The following GLCCI1 variants were observed in gnomAD, a reference collection of about 807,000 sequenced individuals.
GLCCI1 encodes glucocorticoid-induced transcript 1 protein.
GLCCI1 carries 24 observed loss-of-function variants against 52.2 expected under a neutral mutation model. That is an observed-to-expected ratio of 0.46 (90% CI 0.33 to 0.65). The LOEUF (loss-of-function observed/expected upper bound fraction) is 0.65. Ranked by LOEUF, GLCCI1 falls within the 30% of genes least tolerant of loss-of-function variation. GLCCI1 has a pLI of 0.02. For missense variants in GLCCI1, 704 were observed against 701.5 expected (o/e 1.00, Z -0.04); for synonymous variants, 310 against 276.5 (o/e 1.12, Z -1.20).
intron 3 of GLCCI1, among the ~76,000 whole-genome samples, chr7:8,044,305 G>A (rs925522963): frequency 7.3e-5 from 11 of 151,540 alleles, no homozygotes; most frequent in East Asian, 1.9e-4. Flanking sequence ...TTGAAATAAT[G>A]TATCATCATC....
rs552015248 is a variant in GLCCI1, at chr7:8,041,825, C to T, written c.697-13608C>T. 2.0e-5 allele frequency among the ~76,000 whole-genome samples: 3 copies of T among 152,236 alleles called. No individual in the cohort carries two copies. The South Asian group carries it at 6.2e-4, about 32-fold the overall frequency. Reference sequence around the variant, plus strand: ...CAGACTGGTCTCGAACTCCTGGGCTCAAGCAGTCCTCCCGCCTCAGCCTCC... The same window carrying T: ...CAGACTGGTCTCGAACTCCTGGGCTTAAGCAGTCCTCCCGCCTCAGCCTCC... On this transcript the variant is annotated intron_variant, in intron 3 of 7. Coordinates refer to ENST00000223145, the MANE Select transcript of GLCCI1 (RefSeq NM_138426.4).
intron 1 of GLCCI1, among the ~76,000 whole-genome samples, chr7:7,995,615 G>C (rs1386071523): frequency 6.6e-6 from 1 of 152,164 alleles, no homozygotes; most frequent in Admixed American, 6.5e-5. Context: ...CATGGATGAA[G>C]CTGGAAACCA....
chr7:7,972,077 C>G (rs1349160789), intron 1 of GLCCI1, among the ~76,000 whole-genome samples: 1 of 152,142 alleles, frequency 6.6e-6, no homozygotes, highest in Non-Finnish European at 1.5e-5. Flanking sequence ...GTTCTGTTTC[C>G]TTAGCCATTT....
chr7:8,029,895 TGAA>T (rs1239980928), intron 3 of GLCCI1, among the ~76,000 whole-genome samples: 3 of 152,056 alleles, frequency 2.0e-5, no homozygotes, highest in Non-Finnish European at 4.4e-5. Context: ...TGAAAGAAAT[TGAA>T]GAGGACACCA....
intron 1 of GLCCI1, among the ~76,000 whole-genome samples, chr7:7,993,217 A>G (rs969323487): frequency 2.0e-5 from 3 of 151,980 alleles, no homozygotes; most frequent in Admixed American, 6.6e-5. Flanking sequence ...AATAGGGTGG[A>G]TAGTTCATGA....
At chr7:8,062,168 C>T (rs1782532681) in intron 5 of GLCCI1, among the ~76,000 whole-genome samples, 1 of 152,060 alleles carries the variant, frequency 6.6e-6, no homozygotes, top group African/African-American at 2.4e-5. Context: ...TCAATTGTAG[C>T]CATATCAGAA....
chr7:8,014,387 T>C (rs753685820), intron 2 of GLCCI1, among the ~76,000 whole-genome samples: 4 of 152,260 alleles, frequency 2.6e-5, no homozygotes, highest in Non-Finnish European at 5.9e-5. Flanking sequence ...CATGTGTGTT[T>C]GTTATACGTA....
chr7:8,022,083 C>G (rs1781503813), intron 2 of GLCCI1, among the ~76,000 whole-genome samples: 2 of 152,144 alleles, frequency 1.3e-5, no homozygotes, highest in Admixed American at 1.3e-4. Context: ...GTAGGTCATT[C>G]TTAATACTAT....
chr7:8,013,633 G>A (rs542696052), intron 2 of GLCCI1, among the ~76,000 whole-genome samples: 3 of 152,188 alleles, frequency 2.0e-5, no homozygotes, highest in Non-Finnish European at 4.4e-5. Context: ...TCCAAGAAAG[G>A]GGTATATCTT....
intron 3 of GLCCI1, among the ~76,000 whole-genome samples, chr7:8,049,609 G>T (rs1347086393): frequency 6.6e-6 from 1 of 151,978 alleles, no homozygotes. Flanking sequence ...TTACCAGTAA[G>T]TTAATATACA....
chr7:7,989,007 G>A (rs1215910465), intron 1 of GLCCI1, among the ~76,000 whole-genome samples: 1 of 152,036 alleles, frequency 6.6e-6, no homozygotes. Flanking sequence ...TGGATGCAGA[G>A]AATCTAGTAA....
intron 1 of GLCCI1, among the ~76,000 whole-genome samples, chr7:8,001,650 A>G (rs898252775): frequency 2.0e-5 from 3 of 152,228 alleles, no homozygotes; most frequent in Non-Finnish European, 2.9e-5. Flanking sequence ...AGACACATGC[A>G]CACGTATGTT....
chr7:8,061,712 G>T (rs1383205228), intron 5 of GLCCI1, among the ~76,000 whole-genome samples: 3 of 125,944 alleles, frequency 2.4e-5, no homozygotes, highest in Non-Finnish European at 3.1e-5. Flanking sequence ...TGTTGCCTAG[G>T]CTGGAGTGCA....
chr7:8,019,178 T>C (rs916363768), intron 2 of GLCCI1, among the ~76,000 whole-genome samples: 3 of 152,230 alleles, frequency 2.0e-5, no homozygotes, highest in Non-Finnish European at 2.9e-5. Flanking sequence ...TGCCCTCCAA[T>C]TGAACTTTCT....
intron 3 of GLCCI1, among the ~76,000 whole-genome samples, chr7:8,044,980 G>A (rs548166140): frequency 6.6e-6 from 1 of 152,114 alleles, no homozygotes; most frequent in Non-Finnish European, 1.5e-5. Context: ...TAAAGGAAAT[G>A]ATGTATAATG....
At chr7:8,064,618 T>A (rs7798132) in intron 5 of GLCCI1, among the ~76,000 whole-genome samples, 4,435 of 152,266 alleles carry the variant, frequency 0.029, 202 homozygotes, top group African/African-American at 0.094. Context: ...TTAAAATAGA[T>A]TTTTCTGATT....
chr7:8,005,182 T>G (rs1345051721), intron 2 of GLCCI1, among the ~76,000 whole-genome samples: 4 of 152,148 alleles, frequency 2.6e-5, no homozygotes, highest in Non-Finnish European at 5.9e-5. Flanking sequence ...CACAGATAAT[T>G]AATTCAGAAC....
chr7:8,086,105 C>A lies in GLCCI1; in HGVS notation c.1299-88C>A. On this transcript the variant is annotated intron_variant, in intron 7 of 7. Transcript: ENST00000223145. This position sits in a 1 kb window ranked among gnomAD's most constrained non-coding sequence, Gnocchi z 4.4. ...CCATCTCCTGCCATTTACATTTTAG[C>A]TGTTTTAGAGAACTCCAGTTAATTC... 1 of 1,097,564 alleles carries A rather than the reference C, an allele frequency of 9.1e-7. No homozygotes were observed. The highest frequency in any genetic ancestry group is 1.3e-6 in the Non-Finnish European group (1 of 760,012). The allele number at this position is 1,097,564 out of a possible 1,614,324, so 68.0% of individuals were successfully genotyped here. A position where few individuals can be genotyped will look rare whatever the true frequency, so the allele number is the denominator to read the frequency against.
intron 6 of GLCCI1, among the ~76,000 whole-genome samples, chr7:8,074,366 C>G (rs1782829335): frequency 6.6e-6 from 1 of 152,064 alleles, no homozygotes; most frequent in Non-Finnish European, 1.5e-5. Flanking sequence ...TGACTCATTT[C>G]TTCTTTATGT....
Sources: gnomAD v4.1 joint callset for allele counts (sites outside exome capture counted in the v4.1 genomes callset) on GRCh38, gnomAD v4.1.1 for gene constraint, Gnocchi (gnomAD v3.1) non-coding constraint, MANE v1.5 for transcripts, NCBI Gene and HGNC (gene_info 2026-07-23, HGNC 2026-07-21) for gene names.